FMR1NB: variants seen among roughly 807,000 people sequenced by gnomAD.
FMR1NB encodes FMR1 neighbor protein.
In FMR1NB, 10 loss-of-function variants were observed where a neutral mutation model predicts 16.8. The observed-to-expected ratio is 0.60, with a 90% CI of 0.37 to 1.01. The LOEUF is 1.01. Ranked by LOEUF, FMR1NB falls within the 50% of genes least tolerant of loss-of-function variation. The pLI, the probability that FMR1NB is intolerant of heterozygous loss-of-function variation, is 0.01. For synonymous variants in FMR1NB, 83 were observed against 79.1 expected (o/e 1.05, Z -0.26); for missense variants, 205 against 204.8 (o/e 1.00, Z 0.00).
At chrX:148,025,047 C>T (rs1557190905) in intron 5 of FMR1NB, 34 bp downstream of exon 5, 1 of 1,170,956 alleles carries the variant, frequency 8.5e-7, no homozygotes, top group Non-Finnish European at 1.2e-6. Flanking sequence ...TTGAAGTGCT[C>T]AATCTCTGAT....
intron 4 of FMR1NB, among the ~76,000 whole-genome samples, chrX:148,017,424 A>G (rs2044655113): frequency 9.0e-6 from 1 of 110,688 alleles, no homozygotes; most frequent in Non-Finnish European, 1.9e-5. Context: ...TAGGTTTGGG[A>G]CATCCTCTGT....
chrX:148,004,332 C>T (rs995435441), intron 2 of FMR1NB, among the ~76,000 whole-genome samples: 1 of 112,197 alleles, frequency 8.9e-6, no homozygotes, highest in Non-Finnish European at 1.9e-5. Flanking sequence ...ACATACTTAC[C>T]TGTAATAACT....
intron 5 of FMR1NB, 94 bp downstream of exon 5, chrX:148,025,107 T>G: frequency 6.2e-6 from 6 of 972,991 alleles, no homozygotes; most frequent in Non-Finnish European, 4.2e-6. Context: ...CTGACACATT[T>G]TTTTTAACCA....
intron 1 of FMR1NB, among the ~76,000 whole-genome samples, chrX:147,990,889 G>A (rs1291569954): frequency 9.2e-6 from 1 of 109,204 alleles, no homozygotes; most frequent in African/African-American, 3.4e-5. Context: ...TCACCACACC[G>A]CTGAAACCAC....
At chrX:148,022,799 G>A (rs936859143) in intron 4 of FMR1NB, among the ~76,000 whole-genome samples, 38 of 111,522 alleles carry the variant, frequency 3.4e-4, no homozygotes, top group African/African-American at 1.2e-3. Context: ...CTTTTTTGTT[G>A]TTAATTAAGG....
chrX:148,014,488 G>A (rs2044640089), intron 4 of FMR1NB, among the ~76,000 whole-genome samples: 2 of 111,865 alleles, frequency 1.8e-5, no homozygotes, highest in Admixed American at 9.5e-5. Flanking sequence ...TGCTGTGAAG[G>A]ACAAAGAAGC....
In FMR1NB at chrX:148,002,534, A is replaced by G. The variant is rs782793468; in HGVS notation, c.278-667A>G. On this transcript the variant is annotated intron_variant, in intron 1 of 5. Coordinates refer to ENST00000370467, the MANE Select transcript of FMR1NB (RefSeq NM_152578.3). ...ATTGCAAGCTAACGATAATGTAATG[A>G]TAATCATTGCAGTGTTCTTTATAAC... 2.7e-5 allele frequency among the ~76,000 whole-genome samples: 3 copies of G among 112,455 alleles called. No individual in the cohort carries two copies. In the East Asian group the frequency reaches 8.3e-4, roughly 31 times the overall value.
rs1557188786 is a variant in FMR1NB at position 148,003,200 on chromosome X, G to C, written c.278-1G>C. 1 of 1,204,202 alleles carries C rather than the reference G, an allele frequency of 8.3e-7. No individual in the cohort carries two copies. Among genetic ancestry groups the C allele is most frequent in the African/African-American group, 1.8e-5 (1 of 57,031 alleles). ...GATTAATAATTTTACTTCTTCTTAA[G>C]GGTCCTCATATTTTGTGCTTGCAAA... On this transcript the variant is annotated splice_acceptor_variant, in intron 1 of 5. Transcript: ENST00000370467. LOFTEE classifies it high-confidence loss of function.
At chrX:148,017,587 G>T (rs2124627156) in intron 4 of FMR1NB, among the ~76,000 whole-genome samples, 1 of 104,894 alleles carries the variant, frequency 9.5e-6, no homozygotes, top group South Asian at 4.5e-4. Context: ...TAAGTTTTAG[G>T]GTACATGTGC....
rs933720819 is a variant in FMR1NB, at chrX:147,993,198, C to G, written c.278-10003C>G. Among the ~76,000 whole-genome samples, 23 of 113,269 alleles carry G rather than the reference C, an allele frequency of 2.0e-4. No individual in the cohort carries two copies. In the East Asian group the frequency reaches 6.3e-3, roughly 31 times the overall value. ...GGGAGGCCGAGGTTGGCGGATCACT[C>G]GCGGCCAGGGGCTGGAGACCGGCCC... On this transcript the variant is annotated intron_variant, in intron 1 of 5. Coordinates refer to ENST00000370467, the MANE Select transcript of FMR1NB (RefSeq NM_152578.3).
At chrX:148,016,919 G>A (rs2044652651) in intron 4 of FMR1NB, among the ~76,000 whole-genome samples, 1 of 110,988 alleles carries the variant, frequency 9.0e-6, no homozygotes, top group Admixed American at 9.6e-5. Flanking sequence ...ATAATATTTT[G>A]TGGTTTTCTG....
At chrX:148,004,223 T>C (rs2044584871) in intron 2 of FMR1NB, among the ~76,000 whole-genome samples, 1 of 112,244 alleles carries the variant, frequency 8.9e-6, no homozygotes, top group Admixed American at 9.5e-5. Flanking sequence ...TTATGTCGTA[T>C]AGGCTGAAAG....
At chrX:148,020,248 C>G (rs2044671921) in intron 4 of FMR1NB, among the ~76,000 whole-genome samples, 1 of 111,506 alleles carries the variant, frequency 9.0e-6, no homozygotes, top group African/African-American at 3.3e-5. Flanking sequence ...CTTCTATCAG[C>G]TTGTGGTGAA....
chrX:147,996,682 A>T (rs1444360352), intron 1 of FMR1NB, among the ~76,000 whole-genome samples: 3 of 111,984 alleles, frequency 2.7e-5, no homozygotes, highest in Non-Finnish European at 5.6e-5. Flanking sequence ...GCAAAACATT[A>T]AACCAAGCAT....
At chrX:147,999,023 C>T (rs1557188430) in intron 1 of FMR1NB, among the ~76,000 whole-genome samples, 1 of 111,520 alleles carries the variant, frequency 9.0e-6, no homozygotes, top group Non-Finnish European at 1.9e-5. Context: ...AGAAAGTTTC[C>T]ATCTGGCATC....
At chrX:147,994,111 C>A (rs1181176062) in intron 1 of FMR1NB, among the ~76,000 whole-genome samples, 1 of 111,595 alleles carries the variant, frequency 9.0e-6, no homozygotes, top group African/African-American at 3.3e-5. Flanking sequence ...CCCACAGTCT[C>A]CTGCCTTTGA....
chrX:147,992,282 A>AG (rs782400768), intron 1 of FMR1NB, among the ~76,000 whole-genome samples: 7,721 of 66,647 alleles, frequency 0.12, 628 homozygotes, highest in East Asian at 0.54. Flanking sequence ...CTGGCCGGGC[A>AG]GGGGGGCTGA....
At chrX:148,005,209 C>G (rs1557188996) in intron 2 of FMR1NB, among the ~76,000 whole-genome samples, 1 of 112,251 alleles carries the variant, frequency 8.9e-6, no homozygotes, top group African/African-American at 3.2e-5. Flanking sequence ...TAATATCTAG[C>G]ATAAAGTCCA....
chrX:147,984,565 C>T (rs2044467004), intron 1 of FMR1NB, among the ~76,000 whole-genome samples: 1 of 111,744 alleles, frequency 8.9e-6, no homozygotes, highest in African/African-American at 3.3e-5. Flanking sequence ...TGGTCTCGTA[C>T]CCTGTAAAAT....
Sources: gnomAD v4.1 joint callset for allele counts (sites outside exome capture counted in the v4.1 genomes callset) on GRCh38, gnomAD v4.1.1 for gene constraint, MANE v1.5 for transcripts, NCBI Gene and HGNC (gene_info 2026-07-23, HGNC 2026-07-21) for gene names.